The following PAXIP1 variants were observed in gnomAD, a reference collection of about 807,000 sequenced individuals.
The protein encoded by PAXIP1 is PAX-interacting protein 1.
A neutral mutation model predicts 140.6 loss-of-function variants in PAXIP1; 19 were observed. The ratio of observed to expected loss-of-function variants is 0.14; its 90% confidence interval spans 0.09 to 0.20. The LOEUF (loss-of-function observed/expected upper bound fraction) is 0.20. Ranked by LOEUF, PAXIP1 falls within the 10% of genes least tolerant of loss-of-function variation. The pLI, the probability that PAXIP1 is intolerant of heterozygous loss-of-function variation, is 1.00. For missense variants in PAXIP1, 920 were observed against 1,208.6 expected, an observed-to-expected ratio of 0.76 and a Z score of 3.54; for synonymous variants, 442 against 444.6, an observed-to-expected ratio of 0.99 and a Z score of 0.07.
intron 2 of PAXIP1, among the ~76,000 whole-genome samples, chr7:154,995,271 G>C (rs972963913): frequency 6.6e-6 from 1 of 152,194 alleles, no homozygotes; most frequent in Non-Finnish European, 1.5e-5. Flanking sequence ...GGCAGCTTTA[G>C]GAAGGGCCAG....
At chr7:154,989,880 C>A (rs1210118681) in intron 4 of PAXIP1, among the ~76,000 whole-genome samples, 1 of 152,136 alleles carries the variant, frequency 6.6e-6, no homozygotes, top group African/African-American at 2.4e-5. Context: ...AGCAGCTAGA[C>A]TACTGTGTAA....
At chr7:154,975,353 C>T (rs1204770704) in intron 6 of PAXIP1, among the ~76,000 whole-genome samples, 1 of 152,158 alleles carries the variant, frequency 6.6e-6, no homozygotes, top group African/African-American at 2.4e-5. Context: ...TGGTAAACTT[C>T]ATTATTCTCT....
At chr7:154,955,352 GC>G (rs1419670438) in intron 15 of PAXIP1, among the ~76,000 whole-genome samples, 176 bp downstream of exon 15, 2 of 152,186 alleles carry the variant, frequency 1.3e-5, no homozygotes, top group East Asian at 3.8e-4. Flanking sequence ...AGGGCAGGAA[GC>G]CACTAAATAT....
intron 20 of PAXIP1, chr7:154,945,003 T>C (rs949444586): frequency 8.9e-6 from 1 of 112,536 alleles, no homozygotes; most frequent in African/African-American, 3.2e-5. Flanking sequence ...TTTTTTTTTT[T>C]AAAGACAGAG....
intron 16 of PAXIP1, chr7:154,951,893 G>A (rs987672817): frequency 6.6e-6 from 1 of 152,190 alleles, no homozygotes; most frequent in Non-Finnish European, 1.5e-5. Context: ...AAAAGCAGCC[G>A]ATGGAGCCAA....
intron 6 of PAXIP1, among the ~76,000 whole-genome samples, chr7:154,972,967 TC>T (rs1809397684): frequency 6.6e-6 from 1 of 152,230 alleles, no homozygotes; most frequent in Non-Finnish European, 1.5e-5. Flanking sequence ...ACTTTGCTGC[TC>T]TGTGGCTGAG....
chr7:154,987,876 T>A (rs1449812546), intron 4 of PAXIP1, among the ~76,000 whole-genome samples: 1 of 152,172 alleles, frequency 6.6e-6, no homozygotes, highest in Non-Finnish European at 1.5e-5. Flanking sequence ...GAATCCCATC[T>A]CCATTTGTCA....
chr7:154,997,389 A>G (rs913990151), intron 2 of PAXIP1, among the ~76,000 whole-genome samples: 1 of 152,214 alleles, frequency 6.6e-6, no homozygotes, highest in Non-Finnish European at 1.5e-5. Context: ...AGTAGCTGGG[A>G]CTACAGGTGA....
chr7:154,992,231 T>C lies in PAXIP1; in HGVS notation c.261-1162A>G, dbSNP rs572338236. Among the ~76,000 whole-genome samples, 17 of 152,122 alleles carry C rather than the reference T, an allele frequency of 1.1e-4. No individual in the cohort carries two copies. In the South Asian group the frequency reaches 2.5e-3, roughly 22 times the overall value. On this transcript the variant is annotated intron_variant, in intron 3 of 20. Coordinates refer to ENST00000404141, the MANE Select transcript of PAXIP1 (RefSeq NM_007349.4). ...GCAGTGGCACAATCTTTTGTTCTTA[T>C]GGATAGGCAAGTAAGAGCTCAAAGA...
At chr7:155,003,297 T>C (rs1228686094), upstream of PAXIP1, among the ~76,000 whole-genome samples, 2 of 151,380 alleles carry the variant, frequency 1.3e-5, no homozygotes, top group African/African-American at 4.9e-5. Flanking sequence ...TGGCCGCCGC[T>C]CTGCAACGAG....
chr7:155,000,966 T>A (rs1470400499), intron 1 of PAXIP1: 1 of 152,220 alleles, frequency 6.6e-6, no homozygotes, highest in African/African-American at 2.4e-5. Context: ...TACTGTGATA[T>A]GTCCAGGTGT....
Position 154,954,407 on chromosome 7 carries a change from C to T in PAXIP1, c.2669G>A (p.Gly890Asp), listed in dbSNP as rs1439640684. ...CTGTGCAGACTCCGCAACCTCTCCACCAAGAATGTAGAGCTTCTAAAGGTC... is the reference window on the plus strand; with the variant it reads ...CTGTGCAGACTCCGCAACCTCTCCATCAAGAATGTAGAGCTTCTAAAGGTC... ...QQYIKKLYIL[G>D]GEVAESAQKC... The change falls in exon 16 of 21, where the codon GGT (glycine) becomes GAT (aspartate). Residue 890 changes from glycine (G) to aspartate (D), a missense_variant. Gly to Asp is a moderately conservative substitution (Grantham distance 94). Around this residue, in one of 5 missense-constraint regions of PAXIP1, gnomAD observed 303 missense variants for 517.9 expected, o/e 0.59. Coordinates refer to ENST00000404141, the MANE Select transcript of PAXIP1 (RefSeq NM_007349.4). The surrounding 1 kb of genome is among the most constrained non-coding windows in gnomAD (Gnocchi z 5.1). 2 of 1,553,342 alleles carry T rather than the reference C, an allele frequency of 1.3e-6. No individual in the cohort carries two copies. Among genetic ancestry groups the T allele is most frequent in the South Asian group, 1.2e-5 (1 of 84,220 alleles).
Position 154,944,129 on chromosome 7 carries a change from G to C in PAXIP1, c.*20C>G. 1 of 1,612,194 alleles carries C rather than the reference G, an allele frequency of 6.2e-7. No individual in the cohort carries two copies. Among genetic ancestry groups the C allele is most frequent in the Non-Finnish European group, 8.5e-7 (1 of 1,178,956 alleles). On this transcript the variant is annotated 3_prime_UTR_variant, in exon 21 of 21. Transcript: ENST00000404141. The stretch of plus-strand genomic sequence containing the variant: ...AGCCCCGCACCGCAGGAGTCGACAT[G>C]CACGGCAGCCTAGACGCCATCAGTT...
At position 154,968,925 on chromosome 7, in the gene PAXIP1, G is replaced by A. The variant is rs1265504336; in HGVS notation, c.1276C>T (p.Gln426Ter). The A allele has an allele frequency of 7.2e-7, 1 of 1,381,792 alleles. No individual in the cohort carries two copies. The highest frequency in any genetic ancestry group is 2.0e-5 in the Admixed American group (1 of 49,962). 85.6% of individuals were successfully genotyped at this position (1,381,792 alleles called of 1,614,324 possible). The part of the protein sequence containing the change: ...VLHLQPQQIM[Q>*]LQQQQQQQIS... ...TGCTGCTGCTGCTGCTGCTGGAGCT[G>A]CATTATCTGCTGGGGCTGAAGGTGT... The change falls in exon 7 of 21, where the codon CAG becomes TAG. Residue 426 changes from glutamine (Q) to a stop codon, truncating the protein, a stop_gained. Transcript: ENST00000404141. LOFTEE classifies it high-confidence loss of function.
chr7:155,002,905 G>T lies in PAXIP1; in HGVS notation c.25C>A (p.Pro9Thr). Residue 9 changes from proline (P) to threonine (T), a missense_variant, in exon 1 of 21, where the codon CCT becomes ACT. By Grantham distance (38) the Pro-to-Thr change is conservative (BLOSUM62 -1). Around this residue, in one of 5 missense-constraint regions of PAXIP1, gnomAD observed 419 missense variants for 514.7 expected, o/e 0.81. Coordinates refer to ENST00000404141, the MANE Select transcript of PAXIP1 (RefSeq NM_007349.4). MSDQAPKV[P>T]EEMFREVKYY... is the part of the protein sequence containing the mutation. ...TTGACCTCCCTGAACATCTCCTCAG[G>T]AACTTTGGGCGCCTGGTCCGACATG... 1 of 1,382,662 alleles carries T rather than the reference G, an allele frequency of 7.2e-7. No individual in the cohort carries two copies. Among genetic ancestry groups the T allele is most frequent in the Admixed American group, 2.1e-5 (1 of 47,414 alleles). 85.6% of individuals were successfully genotyped at this position (1,382,662 alleles called of 1,614,324 possible).
chr7:154,971,238 G>A (rs563705362), intron 6 of PAXIP1, among the ~76,000 whole-genome samples: 165 of 152,330 alleles, frequency 1.1e-3, no homozygotes, highest in African/African-American at 3.7e-3. Context: ...GAGTTAAGAT[G>A]GGTCCTCATC....
intron 5 of PAXIP1, among the ~76,000 whole-genome samples, 166 bp from the exon 6 acceptor site, chr7:154,976,497 CAT>C (rs1809588071): frequency 1.3e-5 from 2 of 152,188 alleles, no homozygotes; most frequent in South Asian, 2.1e-4. Context: ...AGACAGAGGA[CAT>C]GAGGCAAAAG....
At chr7:154,999,064 C>G (rs1810769435) in intron 1 of PAXIP1, among the ~76,000 whole-genome samples, 1 of 152,196 alleles carries the variant, frequency 6.6e-6, no homozygotes, top group African/African-American at 2.4e-5. Context: ...GACAGATGGG[C>G]TGGACAAACC....
At chr7:154,984,898 T>C (rs1290778108) in intron 4 of PAXIP1, among the ~76,000 whole-genome samples, 2 of 152,192 alleles carry the variant, frequency 1.3e-5, no homozygotes, top group African/African-American at 4.8e-5. Flanking sequence ...TATACCCTAT[T>C]TGGCCTGTGT....
Sources: gnomAD v4.1 joint callset for allele counts (sites outside exome capture counted in the v4.1 genomes callset) on GRCh38, gnomAD v4.1.1 for gene constraint, gnomAD v4.1.1 regional missense constraint, Gnocchi (gnomAD v3.1) non-coding constraint, MANE v1.5 for transcripts, NCBI Gene and HGNC (gene_info 2026-07-23, HGNC 2026-07-21) for gene names.